Variants in DACH2 observed in about 807,000 individuals in gnomAD.
The protein encoded by DACH2 is dachshund homolog 2.
In DACH2, 17 loss-of-function variants were observed where a neutral mutation model predicts 35.8. The observed-to-expected ratio is 0.48, with a 90% CI of 0.33 to 0.71. The LOEUF is 0.71. Among genes scored for constraint, DACH2 ranks in the 30% least tolerant of loss-of-function variants. DACH2 has a pLI of 0.02. For synonymous variants in DACH2, 195 were observed against 177.3 expected (o/e 1.10, Z -0.79); for missense variants, 469 against 472.7 (o/e 0.99, Z 0.07).
intron 11 of DACH2, among the ~76,000 whole-genome samples, chrX:86,824,087 T>A (rs1177391093): frequency 9.0e-6 from 1 of 110,831 alleles, no homozygotes; most frequent in African/African-American, 3.3e-5. Flanking sequence ...TGACCTCAAA[T>A]TTACCAGGGC....
At chrX:86,197,423 A>G (rs2032020587) in intron 1 of DACH2, among the ~76,000 whole-genome samples, 1 of 111,832 alleles carries the variant, frequency 8.9e-6, no homozygotes, top group Non-Finnish European at 1.9e-5. Context: ...CCAACCTTGA[A>G]TGTAAACAGG....
At chrX:86,665,774 TAA>T (rs11333878) in intron 4 of DACH2, among the ~76,000 whole-genome samples, 77 of 105,655 alleles carry the variant, frequency 7.3e-4, no homozygotes, top group African/African-American at 1.5e-3. Context: ...ATTACTTTGT[TAA>T]AAAAAAAAAC....
chrX:86,291,150 T>A (rs1390044253), intron 1 of DACH2, among the ~76,000 whole-genome samples: 2,110 of 107,142 alleles, frequency 0.02, 34 homozygotes, highest in Non-Finnish European at 0.033. Context: ...ATCCCTTGTA[T>A]GTTGGATTCC....
chrX:86,372,848 C>T (rs1370278633), intron 1 of DACH2, among the ~76,000 whole-genome samples: 2 of 110,691 alleles, frequency 1.8e-5, no homozygotes, highest in African/African-American at 3.3e-5. Flanking sequence ...CTAGTAGTCC[C>T]CAGTGTCTAT....
intron 1 of DACH2, among the ~76,000 whole-genome samples, chrX:86,299,897 A>AT (rs1413140061): frequency 9.0e-6 from 1 of 111,543 alleles, no homozygotes; most frequent in Non-Finnish European, 1.9e-5. Flanking sequence ...TTATCATTGT[A>AT]TTTTTTAAAT....
rs186455963 is a variant in DACH2, at chrX:86,639,885, C to T, written c.641-11151C>T. ...TAAGTGGGTGCCTGATCCTATTTATCCTCACTGAGAAGGACCTCCCAACTA... is the reference window on the plus strand; with the variant it reads ...TAAGTGGGTGCCTGATCCTATTTATTCTCACTGAGAAGGACCTCCCAACTA... On this transcript the variant is annotated intron_variant, in intron 3 of 11. Transcript: ENST00000373125. Among the ~76,000 whole-genome samples, 3 of 111,503 alleles carry T rather than the reference C, an allele frequency of 2.7e-5. No individual in the cohort carries two copies. In the East Asian group the frequency reaches 8.6e-4, roughly 32 times the overall value.
At chrX:86,359,823 A>G (rs1337800703) in intron 1 of DACH2, among the ~76,000 whole-genome samples, 1 of 111,374 alleles carries the variant, frequency 9.0e-6, no homozygotes, top group Non-Finnish European at 1.9e-5. Context: ...TCAGCTGACC[A>G]AAATTCCTTC....
chrX:86,418,795 G>A (rs1016667114), intron 2 of DACH2, among the ~76,000 whole-genome samples: 1 of 111,745 alleles, frequency 8.9e-6, no homozygotes, highest in Non-Finnish European at 1.9e-5. Flanking sequence ...AAAAATTAGG[G>A]TTTTCTTTTC....
chrX:86,719,312 G>T (rs1215767537), intron 6 of DACH2, among the ~76,000 whole-genome samples: 2 of 111,598 alleles, frequency 1.8e-5, no homozygotes, highest in African/African-American at 6.5e-5. Context: ...TTTTGTAAAG[G>T]GATCTTCAAA....
rs1426514457 is a variant in DACH2, at chrX:86,218,277, A to G, written c.488+69169A>G. Among the ~76,000 whole-genome samples, 7 of 112,051 alleles carry G rather than the reference A, an allele frequency of 6.2e-5. No individual in the cohort carries two copies. The Admixed American group carries it at 6.6e-4, about 11-fold the overall frequency. Reference sequence around the variant, plus strand: ...AAAGTTACTTAAGTTTTCTTTGATAATTTTATTTAAAAGGCTTATTAATAA... The same window carrying G: ...AAAGTTACTTAAGTTTTCTTTGATAGTTTTATTTAAAAGGCTTATTAATAA... On this transcript the variant is annotated intron_variant, in intron 1 of 11. Transcript: ENST00000373125.
At chrX:86,504,477 C>CTTAT (rs200198428) in intron 2 of DACH2, among the ~76,000 whole-genome samples, 18,969 of 101,589 alleles carry the variant, frequency 0.19, 1,834 homozygotes, top group Middle Eastern at 0.39. Flanking sequence ...AAAAATAGAT[C>CTTAT]TTATTTATTT....
rs187059591 is a variant in DACH2, at chrX:86,571,454, C to T, written c.640+57063C>T. On this transcript the variant is annotated intron_variant, in intron 3 of 11. Transcript: ENST00000373125. ...TAATGCTATCCCTCCCCGCTCCCCCCACCCCACAACAGTCCCCGGTGTGTG... is the reference window on the plus strand; with the variant it reads ...TAATGCTATCCCTCCCCGCTCCCCCTACCCCACAACAGTCCCCGGTGTGTG... 5.5e-4 allele frequency among the ~76,000 whole-genome samples: 60 copies of T among 109,913 alleles called. 1 individual carries two copies. The East Asian group carries it at 7.2e-3, about 13-fold the overall frequency.
intron 3 of DACH2, among the ~76,000 whole-genome samples, chrX:86,632,249 C>T (rs918465350): frequency 1.8e-5 from 2 of 111,237 alleles, no homozygotes; most frequent in African/African-American, 3.3e-5. Context: ...TGGCATGGAA[C>T]GCCATCCAAT....
intron 1 of DACH2, among the ~76,000 whole-genome samples, chrX:86,174,332 G>T (rs5967688): frequency 0.07 from 7,671 of 109,606 alleles, 678 homozygotes; most frequent in African/African-American, 0.24. Flanking sequence ...TCACTATGTT[G>T]CCCAGGCTGT....
intron 2 of DACH2, among the ~76,000 whole-genome samples, chrX:86,403,176 T>A (rs775172505): frequency 1.6e-4 from 18 of 112,024 alleles, no homozygotes; most frequent in Non-Finnish European, 3.0e-4. Flanking sequence ...AAACAAAAAT[T>A]GAGAAATGGG....
chrX:86,503,633 C>G (rs901331879), intron 2 of DACH2, among the ~76,000 whole-genome samples: 3 of 111,568 alleles, frequency 2.7e-5, no homozygotes, highest in Non-Finnish European at 5.7e-5. Flanking sequence ...GCAAAACATT[C>G]CATGGTGAGT....
chrX:86,387,036 G>T (rs1257832856), intron 2 of DACH2, among the ~76,000 whole-genome samples: 2 of 111,477 alleles, frequency 1.8e-5, no homozygotes, highest in Non-Finnish European at 3.8e-5. Flanking sequence ...AGAATGAAAA[G>T]CCTCATAGTC....
chrX:86,251,152 A>G (rs967933350), intron 1 of DACH2, among the ~76,000 whole-genome samples: 1 of 111,026 alleles, frequency 9.0e-6, no homozygotes, highest in Admixed American at 9.6e-5. Flanking sequence ...TATTAAAAGT[A>G]TGTAAAGCAT....
intron 1 of DACH2, among the ~76,000 whole-genome samples, chrX:86,341,194 G>A (rs1489494945): frequency 8.9e-6 from 1 of 112,128 alleles, no homozygotes; most frequent in Non-Finnish European, 1.9e-5. Flanking sequence ...TGTAGCTGGA[G>A]AAAAGTCAAT....
Sources: allele counts gnomAD v4.1 joint callset (sites outside exome capture counted in the v4.1 genomes callset), GRCh38; gene constraint gnomAD v4.1.1; transcripts MANE v1.5; gene names NCBI Gene and HGNC (gene_info 2026-07-23, HGNC 2026-07-21).